Variants in ME1 observed in about 807,000 individuals in gnomAD.
The protein encoded by ME1 is NADP-dependent malic enzyme.
ME1 carries 74 observed loss-of-function variants against 66.4 expected under a neutral mutation model. The observed-to-expected ratio is 1.11, with a 90% CI of 0.92 to 1.35. ME1 has a LOEUF of 1.35. ME1 is among the 40% of genes most tolerant of loss of function. ME1 has a pLI of 0.00. For synonymous variants in ME1, 251 were observed against 235.6 expected (o/e 1.07, Z -0.60); for missense variants, 750 against 694.1 (o/e 1.08, Z -0.90).
rs201789698 is a variant in ME1, at chr6:83,228,857, A to G, written c.1101T>C (p.Ile367=). ...GGGCAGTTGGTTTTATTTCTTGAAC[A>G]ATGGCTTCTAGGTTCTTCATTTCTT... ...EHEEMKNLEA[I]VQEIKPTALI... is the part of the protein sequence containing the mutation. Residue 367 remains isoleucine, a synonymous_variant, in exon 10 of 14, where the codon ATT becomes ATC. Coordinates refer to ENST00000369705, the MANE Select transcript of ME1 (RefSeq NM_002395.6). 6.2e-7 allele frequency: 1 copy of G among 1,612,810 alleles called. No homozygotes were observed. Among genetic ancestry groups the G allele is most frequent in the East Asian group, 2.2e-5 (1 of 44,832 alleles).
At chr6:83,313,116 T>C (rs16883694) in intron 6 of ME1, among the ~76,000 whole-genome samples, 8,003 of 152,226 alleles carry the variant, frequency 0.053, 553 homozygotes, top group African/African-American at 0.16. Context: ...CCTGTAACAA[T>C]CATTTCCCAC....
At chr6:83,261,388 A>G (rs1766884831) in intron 6 of ME1, among the ~76,000 whole-genome samples, 1 of 119,608 alleles carries the variant, frequency 8.4e-6, no homozygotes, top group African/African-American at 3.1e-5. Context: ...ATTTTCTCCC[A>G]TTCTGTAGGT....
chr6:83,210,929 C>G lies in ME1; in HGVS notation c.*995G>C, dbSNP rs976787977. ...TGGGAACTTAATTATAATACTTTCT[C>G]CAAATTCAGGCAAAAGCAAGATGAT... On this transcript the variant is annotated 3_prime_UTR_variant, in exon 14 of 14. Coordinates refer to ENST00000369705, the MANE Select transcript of ME1 (RefSeq NM_002395.6). 1.3e-5 allele frequency: 2 copies of G among 152,190 alleles called. No individual in the cohort carries two copies. Among genetic ancestry groups the G allele is most frequent in the African/African-American group, 4.8e-5 (2 of 41,428 alleles). The allele number at this position is 152,190 out of a possible 1,614,324, so 9.4% of individuals were successfully genotyped here.
At chr6:83,316,893 C>T (rs1354298205) in intron 5 of ME1, among the ~76,000 whole-genome samples, 1 of 151,640 alleles carries the variant, frequency 6.6e-6, no homozygotes, top group Non-Finnish European at 1.5e-5. Flanking sequence ...ACACTGGAAA[C>T]TACAAAATAT....
intron 1 of ME1, among the ~76,000 whole-genome samples, chr6:83,408,568 T>C (rs1312203013): frequency 1.3e-5 from 2 of 152,242 alleles, no homozygotes; most frequent in Admixed American, 6.5e-5. Context: ...ATTATACCTA[T>C]GTTACCTGTT....
intron 6 of ME1, among the ~76,000 whole-genome samples, chr6:83,294,029 A>G (rs1305103065): frequency 6.6e-6 from 1 of 152,198 alleles, no homozygotes; most frequent in Non-Finnish European, 1.5e-5. Context: ...TGAAGTTGGT[A>G]TTATCCTCAA....
chr6:83,368,292 G>C (rs1432454301), intron 3 of ME1, among the ~76,000 whole-genome samples: 1 of 150,780 alleles, frequency 6.6e-6, no homozygotes, highest in East Asian at 1.9e-4. Context: ...AAAGATACTA[G>C]ATACAAGTGA....
intron 6 of ME1, among the ~76,000 whole-genome samples, chr6:83,297,237 C>A (rs1767615493): frequency 6.6e-6 from 1 of 151,964 alleles, no homozygotes; most frequent in Non-Finnish European, 1.5e-5. Context: ...AAAAACCTAG[C>A]AATACAGCTA....
intron 6 of ME1, among the ~76,000 whole-genome samples, chr6:83,282,587 G>T (rs1445369007): frequency 6.6e-6 from 1 of 152,132 alleles, no homozygotes; most frequent in South Asian, 2.1e-4. Context: ...TTAGAATGGC[G>T]ATCATTAAAA....
chr6:83,312,167 C>G (rs1462705005), intron 6 of ME1, among the ~76,000 whole-genome samples: 1 of 152,178 alleles, frequency 6.6e-6, no homozygotes, highest in East Asian at 1.9e-4. Flanking sequence ...AGTAACTATG[C>G]ACTGGAGAAG....
intron 1 of ME1, among the ~76,000 whole-genome samples, chr6:83,419,352 A>G (rs1770222143): frequency 6.6e-6 from 1 of 152,186 alleles, no homozygotes; most frequent in African/African-American, 2.4e-5. Context: ...ACCTGATATC[A>G]TGATTCTTAA....
intron 11 of ME1, among the ~76,000 whole-genome samples, chr6:83,224,309 T>C (rs537949080): frequency 6.6e-6 from 1 of 152,276 alleles, no homozygotes; most frequent in South Asian, 2.1e-4. Context: ...TTGAAAATAA[T>C]GATATTTTAG....
intron 2 of ME1, among the ~76,000 whole-genome samples, chr6:83,405,945 T>C (rs982327477): frequency 1.3e-5 from 2 of 152,068 alleles, no homozygotes; most frequent in Non-Finnish European, 2.9e-5. Flanking sequence ...ATGGTCTCGA[T>C]CTCCTGAACT....
At chr6:83,243,399 A>G (rs1295751624) in intron 7 of ME1, among the ~76,000 whole-genome samples, 1 of 59,810 alleles carries the variant, frequency 1.7e-5, no homozygotes, top group African/African-American at 1.1e-4. Context: ...TATTTATATA[A>G]TATATTATAT....
chr6:83,247,542 GAA>G (rs1583338701), intron 7 of ME1, among the ~76,000 whole-genome samples: 2 of 150,582 alleles, frequency 1.3e-5, no homozygotes, highest in Admixed American at 6.6e-5. Flanking sequence ...AAAAAAAAAA[GAA>G]AAGAGTCCAC....
intron 3 of ME1, among the ~76,000 whole-genome samples, chr6:83,369,659 GGAAGGAAGGAAC>G (rs1439001254): frequency 0.11 from 7,869 of 70,160 alleles, 566 homozygotes; most frequent in African/African-American, 0.26. Context: ...GAGAGAGGAA[GGAAGGAAGGAAC>G]GAAGGAAGGA....
At chr6:83,362,659 T>C (rs909212421) in intron 3 of ME1, among the ~76,000 whole-genome samples, 2 of 152,180 alleles carry the variant, frequency 1.3e-5, no homozygotes, top group African/African-American at 4.8e-5. Context: ...AGCTACCTAG[T>C]GGCAGGTTGA....
intron 13 of ME1, among the ~76,000 whole-genome samples, chr6:83,213,842 A>G (rs150687582): frequency 1.1e-3 from 173 of 152,344 alleles, no homozygotes; most frequent in African/African-American, 4.0e-3. Flanking sequence ...GCAGGAAACA[A>G]TATGTATATT....
At chr6:83,329,096 C>T (rs116892712) in intron 5 of ME1, among the ~76,000 whole-genome samples, 2,238 of 152,132 alleles carry the variant, frequency 0.015, 18 homozygotes, top group African/African-American at 0.025. Context: ...TACAATCTGA[C>T]GTGTCTGAGA....
Sources: allele counts gnomAD v4.1 joint callset (sites outside exome capture counted in the v4.1 genomes callset), GRCh38; gene constraint gnomAD v4.1.1; transcripts MANE v1.5; gene names NCBI Gene and HGNC (gene_info 2026-07-23, HGNC 2026-07-21).